RBFOX1: variants seen among roughly 807,000 people sequenced by gnomAD.
RBFOX1 encodes the protein RNA binding fox-1 homolog 1.
In RBFOX1, 8 loss-of-function variants were observed where a neutral mutation model predicts 57.7. The ratio of observed to expected loss-of-function variants is 0.14; its 90% CI spans 0.08 to 0.25. The LOEUF (loss-of-function observed/expected upper bound fraction) is 0.25. Among genes scored for constraint, RBFOX1 ranks in the 10% least tolerant of loss-of-function variants. RBFOX1 has a pLI of 1.00. For missense variants in RBFOX1, 611 were observed against 548.5 expected, an observed-to-expected ratio of 1.11 and a Z score of -1.14; for synonymous variants, 326 against 222.4, an observed-to-expected ratio of 1.47 and a Z score of -4.15.
intron 2 of RBFOX1, among the ~76,000 whole-genome samples, chr16:6,407,551 G>T (rs2093326782): frequency 1.3e-5 from 1 of 79,868 alleles, no homozygotes; most frequent in Admixed American, 1.2e-4. Flanking sequence ...GTGTGTGTGT[G>T]TGTGTGTGTG....
intron 3 of RBFOX1, among the ~76,000 whole-genome samples, chr16:5,778,980 A>T (rs2054238657): frequency 6.6e-6 from 1 of 152,200 alleles, no homozygotes. Flanking sequence ...TGATCTATTC[A>T]TTAACTCATT....
At chr16:6,628,721 T>C (rs1417810505) in intron 2 of RBFOX1, among the ~76,000 whole-genome samples, 1 of 152,178 alleles carries the variant, frequency 6.6e-6, no homozygotes, top group African/African-American at 2.4e-5. Flanking sequence ...GACCGTTTGA[T>C]GAGGTTTGAC....
chr16:5,887,965 C>G (rs28675369), intron 4 of RBFOX1, among the ~76,000 whole-genome samples: 1 of 152,190 alleles, frequency 6.6e-6, no homozygotes, highest in Non-Finnish European at 1.5e-5. Context: ...ATCAAAACTT[C>G]TACAAGACGA....
At chr16:7,602,176 G>A (rs1043511050) in intron 9 of RBFOX1, among the ~76,000 whole-genome samples, 3 of 152,324 alleles carry the variant, frequency 2.0e-5, no homozygotes, top group African/African-American at 2.4e-5. Context: ...ACCCAATGCA[G>A]TCATAGTTAA....
chr16:6,498,123 G>A (rs185501698), intron 2 of RBFOX1, among the ~76,000 whole-genome samples: 23 of 151,912 alleles, frequency 1.5e-4, no homozygotes, highest in East Asian at 3.9e-4. Context: ...ATGGTGGTAC[G>A]TGCCTGTAGT....
At chr16:6,057,422 C>G (rs1053839593) in intron 1 of RBFOX1, among the ~76,000 whole-genome samples, 2 of 152,074 alleles carry the variant, frequency 1.3e-5, no homozygotes, top group Non-Finnish European at 2.9e-5. Context: ...GCATTCTTCT[C>G]CCCACTGCTT....
chr16:6,047,864 T>G (rs1354804538), intron 1 of RBFOX1, among the ~76,000 whole-genome samples: 1 of 152,134 alleles, frequency 6.6e-6, no homozygotes, highest in African/African-American at 2.4e-5. Flanking sequence ...AAATAAGTGT[T>G]TAGAGAGATA....
At chr16:7,607,947 C>G (rs1429524399) in intron 10 of RBFOX1, among the ~76,000 whole-genome samples, 1 of 152,178 alleles carries the variant, frequency 6.6e-6, no homozygotes. Flanking sequence ...GCTGGGAAAT[C>G]CATTCTCTTA....
At chr16:6,593,992 T>C (rs2153993398) in intron 2 of RBFOX1, among the ~76,000 whole-genome samples, 1 of 152,258 alleles carries the variant, frequency 6.6e-6, no homozygotes, top group African/African-American at 2.4e-5. Context: ...GATTCCAGCC[T>C]CCCTCCGCCC....
At chr16:6,614,028 G>A (rs2098109246) in intron 2 of RBFOX1, among the ~76,000 whole-genome samples, 1 of 152,194 alleles carries the variant, frequency 6.6e-6, no homozygotes, top group Non-Finnish European at 1.5e-5. Context: ...TTTTTCTTTT[G>A]TAAGTGAGTT....
intron 2 of RBFOX1, among the ~76,000 whole-genome samples, chr16:5,491,460 T>C (rs1464938496): frequency 1.3e-5 from 2 of 152,356 alleles, no homozygotes; most frequent in South Asian, 2.1e-4. Flanking sequence ...CCAAGTGTCA[T>C]GTACTAGAAT....
chr16:6,260,887 A>C (rs2097697906), intron 1 of RBFOX1, among the ~76,000 whole-genome samples: 1 of 152,216 alleles, frequency 6.6e-6, no homozygotes, highest in South Asian at 2.1e-4. Context: ...TCTCAAAAAA[A>C]AGGAAAGAAA....
intron 2 of RBFOX1, among the ~76,000 whole-genome samples, chr16:6,476,473 G>C (rs2095273469): frequency 6.6e-6 from 1 of 152,154 alleles, no homozygotes; most frequent in Non-Finnish European, 1.5e-5. Context: ...CTGTGCTTTT[G>C]TACCATACTG....
chr16:7,294,666 T>C (rs965468372), intron 4 of RBFOX1, among the ~76,000 whole-genome samples: 2 of 152,106 alleles, frequency 1.3e-5, no homozygotes, highest in Non-Finnish European at 2.9e-5. Flanking sequence ...ATTAGGTGGC[T>C]GGGGTCAGCG....
intron 4 of RBFOX1, among the ~76,000 whole-genome samples, chr16:7,112,493 C>T (rs1036732413): frequency 2.0e-5 from 3 of 152,026 alleles, no homozygotes; most frequent in Non-Finnish European, 4.4e-5. Context: ...AGGCATGAGC[C>T]ACCGTGCCCA....
chr16:7,166,436 A>C (rs901573951), intron 4 of RBFOX1, among the ~76,000 whole-genome samples: 6 of 152,148 alleles, frequency 3.9e-5, no homozygotes, highest in African/African-American at 1.4e-4. Context: ...GTCCATGAAT[A>C]AATGTGATTC....
intron 14 of RBFOX1, among the ~76,000 whole-genome samples, chr16:7,681,456 T>C (rs141944466): frequency 6.6e-6 from 1 of 152,176 alleles, no homozygotes; most frequent in African/African-American, 2.4e-5. Flanking sequence ...ACTTCCTGTC[T>C]ATTTTAGAAT....
At chr16:6,127,813 G>A (rs1186803150) in intron 1 of RBFOX1, among the ~76,000 whole-genome samples, 1 of 152,022 alleles carries the variant, frequency 6.6e-6, no homozygotes, top group African/African-American at 2.4e-5. Flanking sequence ...CAGCTACTTT[G>A]GTTTGCATTT....
intron 3 of RBFOX1, among the ~76,000 whole-genome samples, chr16:5,622,592 T>C (rs543800280): frequency 5.9e-5 from 9 of 152,336 alleles, no homozygotes; most frequent in African/African-American, 2.2e-4. Context: ...AGACCAAGGG[T>C]TGGCAAACTT....
Sources: gnomAD v4.1 joint callset for allele counts (sites outside exome capture counted in the v4.1 genomes callset) on GRCh38, gnomAD v4.1.1 for gene constraint, MANE v1.5 for transcripts, NCBI Gene and HGNC (gene_info 2026-07-23, HGNC 2026-07-21) for gene names.